Variants in PPARGC1A observed in about 807,000 individuals in gnomAD.
PPARGC1A encodes peroxisome proliferator-activated receptor gamma coactivator 1-alpha.
In PPARGC1A, 25 loss-of-function variants were observed where a neutral mutation model predicts 88.7. The observed-to-expected ratio is 0.28, with a 90% confidence interval of 0.21 to 0.39. The LOEUF is 0.39. Among genes scored for constraint, PPARGC1A ranks in the 10% least tolerant of loss-of-function variants. The probability of loss-of-function intolerance (pLI) is 1.00; values close to 1 mark genes in which losing one functional copy is unlikely to be tolerated. For missense variants in PPARGC1A, 880 were observed against 968.7 expected, an observed-to-expected ratio of 0.91 and a Z score of 1.22; for synonymous variants, 363 against 355.6, an observed-to-expected ratio of 1.02 and a Z score of -0.24.
the PPARGC1A span, among the ~76,000 whole-genome samples, chr4:24,449,928 A>G: frequency 2.0e-5 from 3 of 152,244 alleles, no homozygotes; most frequent in Non-Finnish European, 4.4e-5. Context: ...CTGCAAATAA[A>G]TGGGCAGTTT....
chr4:23,894,839 T>C (rs1445933265), upstream of PPARGC1A, among the ~76,000 whole-genome samples: 2 of 152,166 alleles, frequency 1.3e-5, no homozygotes, highest in Non-Finnish European at 1.5e-5. Flanking sequence ...TCTGATTTTG[T>C]CTGATGTTCA....
chr4:24,313,285 G>A, the PPARGC1A span, among the ~76,000 whole-genome samples: 1 of 152,106 alleles, frequency 6.6e-6, no homozygotes, highest in Non-Finnish European at 1.5e-5. Context: ...ATGGGAAAGG[G>A]AGGAAAAACC....
At chr4:24,336,068 T>G in the PPARGC1A span, among the ~76,000 whole-genome samples, 6 of 151,922 alleles carry the variant, frequency 3.9e-5, no homozygotes, top group Non-Finnish European at 7.4e-5. Flanking sequence ...TTATGCCTCA[T>G]GCCTCTTTTA....
the PPARGC1A span, among the ~76,000 whole-genome samples, chr4:23,961,579 G>T: frequency 3.3e-3 from 503 of 152,212 alleles, 2 homozygotes; most frequent in South Asian, 6.0e-3. Flanking sequence ...AGAAGGACTC[G>T]CTATCTCCCA....
At chr4:24,127,557 G>T in the PPARGC1A span, among the ~76,000 whole-genome samples, 2 of 151,866 alleles carry the variant, frequency 1.3e-5, no homozygotes, top group African/African-American at 2.4e-5. Flanking sequence ...ACACGTGCGC[G>T]CGTGTGGATA....
the PPARGC1A span, among the ~76,000 whole-genome samples, chr4:24,067,201 A>G: frequency 3.3e-5 from 5 of 152,176 alleles, no homozygotes; most frequent in Non-Finnish European, 7.3e-5. Flanking sequence ...TCTCACATTT[A>G]TCAGCTTCTA....
At chr4:23,919,578 T>G in the PPARGC1A span, among the ~76,000 whole-genome samples, 3 of 150,184 alleles carry the variant, frequency 2.0e-5, no homozygotes, top group Non-Finnish European at 3.0e-5. Flanking sequence ...GAATTGTGAA[T>G]CCCTTTAAGA....
At chr4:24,378,206 G>A in the PPARGC1A span, among the ~76,000 whole-genome samples, 60 of 152,096 alleles carry the variant, frequency 3.9e-4, no homozygotes, top group East Asian at 6.2e-3. Flanking sequence ...GCATGGCTGC[G>A]CATGCCTGTA....
At chr4:24,145,212 A>G in the PPARGC1A span, among the ~76,000 whole-genome samples, 1 of 152,070 alleles carries the variant, frequency 6.6e-6, no homozygotes. Context: ...TCCACTTTAT[A>G]GAGGAATGAA....
the PPARGC1A span, among the ~76,000 whole-genome samples, chr4:24,125,124 G>A: frequency 6.6e-6 from 1 of 152,146 alleles, no homozygotes; most frequent in Non-Finnish European, 1.5e-5. Context: ...TGTATTTTAT[G>A]ATCAATTCAA....
chr4:23,814,822 C>A (rs994281288), intron 7 of PPARGC1A, among the ~76,000 whole-genome samples: 2 of 152,016 alleles, frequency 1.3e-5, no homozygotes, highest in Non-Finnish European at 2.9e-5. Flanking sequence ...ATCTACAGTG[C>A]TGAGCAGGAG....
the PPARGC1A span, among the ~76,000 whole-genome samples, chr4:24,410,487 T>G: frequency 1.3e-5 from 2 of 152,276 alleles, no homozygotes; most frequent in African/African-American, 2.4e-5. Flanking sequence ...TTTTAAAAAT[T>G]TATATTTATT....
At chr4:24,471,805 A>C in the PPARGC1A span, among the ~76,000 whole-genome samples, 1 of 152,106 alleles carries the variant, frequency 6.6e-6, no homozygotes, top group Non-Finnish European at 1.5e-5. The surrounding 1 kb of genome is among the most constrained non-coding windows in gnomAD (Gnocchi z 5.4). Flanking sequence ...GGTCAGGAGG[A>C]GCGGAGGCTC....
chr4:24,185,911 A>G, the PPARGC1A span, among the ~76,000 whole-genome samples: 1 of 151,850 alleles, frequency 6.6e-6, no homozygotes, highest in Non-Finnish European at 1.5e-5. Flanking sequence ...AGTATAATAA[A>G]GTGGTAAAAG....
the PPARGC1A span, among the ~76,000 whole-genome samples, chr4:24,031,165 C>T: frequency 2.6e-5 from 4 of 152,166 alleles, no homozygotes; most frequent in Non-Finnish European, 5.9e-5. Flanking sequence ...ACCACAGATG[C>T]TCCATAAGTG....
chr4:24,471,290 C>T, the PPARGC1A span, among the ~76,000 whole-genome samples: 656 of 152,028 alleles, frequency 4.3e-3, 6 homozygotes, highest in African/African-American at 0.015. The surrounding 1 kb of genome is among the most constrained non-coding windows in gnomAD (Gnocchi z 5.4). Flanking sequence ...CCCAACTTTC[C>T]CCAGCCCAGA....
chr4:24,206,098 C>T, the PPARGC1A span, among the ~76,000 whole-genome samples: 1 of 152,106 alleles, frequency 6.6e-6, no homozygotes, highest in Non-Finnish European at 1.5e-5. Flanking sequence ...CAATAAATCA[C>T]CTGGGTCTTT....
the PPARGC1A span, among the ~76,000 whole-genome samples, chr4:23,946,461 GC>G: frequency 2.0e-5 from 3 of 152,046 alleles, no homozygotes; most frequent in Non-Finnish European, 1.5e-5. Flanking sequence ...AGTGGCTTCC[GC>G]TTGAAGAATG....
intron 10 of PPARGC1A, among the ~76,000 whole-genome samples, chr4:23,807,757 G>A (rs182095692): frequency 8.7e-5 from 13 of 149,264 alleles, no homozygotes; most frequent in African/African-American, 3.3e-4. Flanking sequence ...GTGTGTGTAT[G>A]TGTGTGTGTG....
Sources: gnomAD v4.1 joint callset for allele counts (sites outside exome capture counted in the v4.1 genomes callset) on GRCh38, gnomAD v4.1.1 for gene constraint, Gnocchi (gnomAD v3.1) non-coding constraint, MANE v1.5 for transcripts, NCBI Gene and HGNC (gene_info 2026-07-23, HGNC 2026-07-21) for gene names.